PDZRN4: variants seen among roughly 807,000 people sequenced by gnomAD.
The protein encoded by PDZRN4 is PDZ domain containing ring finger 4.
In PDZRN4, 70 loss-of-function variants were observed where a neutral mutation model predicts 99.0. The ratio of observed to expected loss-of-function variants is 0.71; its 90% confidence interval spans 0.58 to 0.86. The LOEUF (loss-of-function observed/expected upper bound fraction) is 0.86, where lower values mean the gene tolerates loss of function less well. Ranked by LOEUF, PDZRN4 falls within the 40% of genes least tolerant of loss-of-function variation. The pLI, the probability that PDZRN4 is intolerant of heterozygous loss-of-function variation, is 0.00. For missense variants in PDZRN4, 1,474 were observed against 1,331.2 expected, an observed-to-expected ratio of 1.11 and a Z score of -1.67; for synonymous variants, 551 against 501.6, an observed-to-expected ratio of 1.10 and a Z score of -1.32.
intron 5 of PDZRN4, among the ~76,000 whole-genome samples, chr12:41,538,602 G>A (rs1472242112): frequency 6.6e-6 from 1 of 152,034 alleles, no homozygotes; most frequent in Non-Finnish European, 1.5e-5. Context: ...AACAAATGGA[G>A]AAACATGTCC....
chr12:41,234,730 T>C (rs1476791664), intron 3 of PDZRN4, among the ~76,000 whole-genome samples: 3 of 152,256 alleles, frequency 2.0e-5, no homozygotes, highest in Non-Finnish European at 4.4e-5. Context: ...GTTATATAAA[T>C]GTGTCCTTTA....
chr12:41,364,352 C>T (rs1951983068), intron 3 of PDZRN4, among the ~76,000 whole-genome samples: 1 of 151,928 alleles, frequency 6.6e-6, no homozygotes, highest in Non-Finnish European at 1.5e-5. Context: ...TACTACATGC[C>T]TCATAGGGAT....
intron 5 of PDZRN4, among the ~76,000 whole-genome samples, chr12:41,534,472 T>C (rs375897428): frequency 6.6e-6 from 1 of 152,162 alleles, no homozygotes; most frequent in South Asian, 2.1e-4. Flanking sequence ...CAGGCTCTAG[T>C]GTGTGTTGTT....
At chr12:41,558,412 C>A (rs1167781866) in intron 7 of PDZRN4, among the ~76,000 whole-genome samples, 2 of 152,164 alleles carry the variant, frequency 1.3e-5, no homozygotes, top group African/African-American at 2.4e-5. Context: ...TACTTCATAT[C>A]CCATACCTCC....
chr12:41,359,556 C>CG (rs759450687), intron 3 of PDZRN4, among the ~76,000 whole-genome samples: 30 of 151,938 alleles, frequency 2.0e-4, no homozygotes, highest in Non-Finnish European at 4.1e-4. Context: ...AATCATGGGG[C>CG]GGGGGGTTCT....
intron 3 of PDZRN4, among the ~76,000 whole-genome samples, chr12:41,264,176 T>G (rs762932911): frequency 6.6e-6 from 1 of 152,210 alleles, no homozygotes; most frequent in Non-Finnish European, 1.5e-5. Flanking sequence ...TTTATTTATA[T>G]GATAACAAAA....
chr12:41,247,552 C>T (rs960285292), intron 3 of PDZRN4, among the ~76,000 whole-genome samples: 5 of 152,132 alleles, frequency 3.3e-5, no homozygotes, highest in East Asian at 1.9e-4. Context: ...TAGGGTTCAT[C>T]GCCCTTTTGA....
At chr12:41,430,330 G>A (rs1952577165) in intron 3 of PDZRN4, among the ~76,000 whole-genome samples, 1 of 152,024 alleles carries the variant, frequency 6.6e-6, no homozygotes, top group African/African-American at 2.4e-5. Flanking sequence ...TTAGCTGGGT[G>A]TGGTGGCATG....
intron 3 of PDZRN4, among the ~76,000 whole-genome samples, chr12:41,231,212 G>T (rs1455881501): frequency 6.6e-6 from 1 of 152,076 alleles, no homozygotes; most frequent in Non-Finnish European, 1.5e-5. Context: ...ATAAGCCCTT[G>T]AGCAGTAAGA....
chr12:41,386,544 C>T (rs1200714815), intron 3 of PDZRN4, among the ~76,000 whole-genome samples: 1 of 152,158 alleles, frequency 6.6e-6, no homozygotes, highest in Non-Finnish European at 1.5e-5. Flanking sequence ...AACGGCCACA[C>T]TTCCCAAAGC....
chr12:41,272,847 C>A (rs979934745), intron 3 of PDZRN4, among the ~76,000 whole-genome samples: 1 of 151,920 alleles, frequency 6.6e-6, no homozygotes, highest in African/African-American at 2.4e-5. Flanking sequence ...TTTAGAGTGA[C>A]CATGGGATGA....
chr12:41,256,057 T>A (rs2120820014), intron 3 of PDZRN4, among the ~76,000 whole-genome samples: 1 of 152,326 alleles, frequency 6.6e-6, no homozygotes, highest in South Asian at 2.1e-4. Context: ...ATTCACATTC[T>A]CTGTGGAAAT....
At position 41,188,984 on chromosome 12, in the gene PDZRN4, C is replaced by G. The variant is rs1950716196; in HGVS notation, c.529C>G (p.Gln177Glu). ...GCGGCGCGAGAAGGCGCTGCTGGCG[C>G]AGCTCTGGGCGCTGCAGGGCGAGGT... is the stretch of plus-strand genomic sequence containing the variant. ...WRRREKALLA[Q>E]LWALQGEVQL... Residue 177 changes from glutamine to glutamate, a missense_variant, in exon 1 of 10, where the codon CAG becomes GAG. Physicochemically the swap from Gln to Glu is conservative, Grantham distance 29. Coordinates refer to ENST00000402685, the MANE Select transcript of PDZRN4 (RefSeq NM_001164595.2). 2.0e-6 allele frequency: 3 copies of G among 1,502,030 alleles called. No homozygotes were observed. The highest frequency in any genetic ancestry group is 8.9e-7 in the Non-Finnish European group (1 of 1,129,664). 93.0% of individuals were successfully genotyped at this position (1,502,030 alleles called of 1,614,324 possible).
At chr12:41,197,923 T>C (rs866832213) in intron 3 of PDZRN4, among the ~76,000 whole-genome samples, 1 of 137,694 alleles carries the variant, frequency 7.3e-6, no homozygotes, top group Middle Eastern at 3.7e-3. Flanking sequence ...TTTCTGGGTT[T>C]TTTTTTTTGG....
At chr12:41,295,744 G>T (rs546016186) in intron 3 of PDZRN4, among the ~76,000 whole-genome samples, 1 of 152,098 alleles carries the variant, frequency 6.6e-6, no homozygotes, top group Non-Finnish European at 1.5e-5. Flanking sequence ...AGTTTCAAAA[G>T]AGACCCTATC....
intron 3 of PDZRN4, among the ~76,000 whole-genome samples, chr12:41,244,247 T>G (rs1170311233): frequency 6.6e-6 from 1 of 151,482 alleles, no homozygotes; most frequent in Non-Finnish European, 1.5e-5. Flanking sequence ...ACACCTTACC[T>G]GAGATTCCAT....
At chr12:41,459,010 A>C (rs1813193358) in intron 3 of PDZRN4, among the ~76,000 whole-genome samples, 2 of 35,854 alleles carry the variant, frequency 5.6e-5, no homozygotes, top group Non-Finnish European at 1.1e-4. Context: ...ATTAGGTTTG[A>C]GATCAGAGTT....
intron 3 of PDZRN4, among the ~76,000 whole-genome samples, chr12:41,498,490 C>T (rs1233045538): frequency 1.3e-5 from 2 of 152,102 alleles, no homozygotes; most frequent in African/African-American, 4.8e-5. Context: ...TGGAAGGCAC[C>T]ACATGGCAAG....
chr12:41,559,479 A>G (rs896065057), intron 7 of PDZRN4, among the ~76,000 whole-genome samples: 1 of 152,178 alleles, frequency 6.6e-6, no homozygotes, highest in African/African-American at 2.4e-5. Context: ...GACCACATAT[A>G]TGACCAGCTT....
Sources: gnomAD v4.1 joint callset for allele counts (sites outside exome capture counted in the v4.1 genomes callset) on GRCh38, gnomAD v4.1.1 for gene constraint, MANE v1.5 for transcripts, NCBI Gene and HGNC (gene_info 2026-07-23, HGNC 2026-07-21) for gene names.